The following RABGEF1 variants were observed in gnomAD, a reference collection of about 807,000 sequenced individuals.
RABGEF1 encodes the protein RAB guanine nucleotide exchange factor 1.
A neutral mutation model predicts 57.3 loss-of-function variants in RABGEF1; 26 were observed. The ratio of observed to expected loss-of-function variants is 0.45; its 90% CI spans 0.33 to 0.63. The LOEUF (loss-of-function observed/expected upper bound fraction) is 0.63. Among genes scored for constraint, RABGEF1 ranks in the 20% least tolerant of loss-of-function variants. The pLI is 0.02. For missense variants in RABGEF1, 464 were observed against 607.6 expected (o/e 0.76, Z 2.48); for synonymous variants, 185 against 210.7 (o/e 0.88, Z 1.06).
chr7:66,677,589 T>C (rs1364022981), upstream of RABGEF1, among the ~76,000 whole-genome samples: 3 of 151,736 alleles, frequency 2.0e-5, no homozygotes, highest in East Asian at 1.9e-4. Flanking sequence ...GGTGAAACCC[T>C]GTCTCTACTA....
rs1798717064 is a variant in RABGEF1 at position 66,740,754 on chromosome 7, G to A, written c.-56G>A. 1 of 152,842 alleles carries A rather than the reference G, an allele frequency of 6.5e-6. No homozygotes were observed. Among genetic ancestry groups the A allele is most frequent in the Non-Finnish European group, 1.5e-5 (1 of 68,468 alleles). 9.5% of individuals were successfully genotyped at this position (152,842 alleles called of 1,614,324 possible). A position where few individuals can be genotyped will look rare whatever the true frequency, so the allele number is the denominator to read the frequency against. ...GCCCAGACCTACCCGGGCGAAGCGG[G>A]CGAGCGGTGGTTTGGACGCCGGCGG... is the stretch of plus-strand genomic sequence containing the variant. On this transcript the variant is annotated 5_prime_UTR_variant, in exon 1 of 9. Coordinates refer to ENST00000284957, the MANE Select transcript of RABGEF1 (RefSeq NM_014504.3).
intron 1 of RABGEF1, among the ~76,000 whole-genome samples, chr7:66,771,383 C>T (rs1807092458): frequency 6.6e-6 from 1 of 152,180 alleles, no homozygotes; most frequent in Non-Finnish European, 1.5e-5. Flanking sequence ...TTGTTATCCG[C>T]CCTCCTCAGC....
intron 1 of RABGEF1, among the ~76,000 whole-genome samples, chr7:66,760,186 T>C (rs560812025): frequency 1.2e-4 from 19 of 152,198 alleles, no homozygotes; most frequent in South Asian, 2.1e-4. Context: ...CCCCTCCTCT[T>C]CCTTGCCTTC....
chr7:66,746,780 C>T (rs929887325), intron 1 of RABGEF1, among the ~76,000 whole-genome samples: 2 of 140,206 alleles, frequency 1.4e-5, no homozygotes, highest in African/African-American at 5.1e-5. Context: ...CCTGCCACCA[C>T]GTCCGGCTAA....
chr7:66,788,754 G>T (rs540283203), intron 4 of RABGEF1, among the ~76,000 whole-genome samples: 2 of 152,094 alleles, frequency 1.3e-5, no homozygotes, highest in South Asian at 4.2e-4. Flanking sequence ...CAATGCGGGT[G>T]GATCACCTGG....
chr7:66,777,793 TA>T (rs764878927), intron 3 of RABGEF1, among the ~76,000 whole-genome samples: 2 of 152,064 alleles, frequency 1.3e-5, no homozygotes, highest in African/African-American at 4.8e-5. Flanking sequence ...ACACCAACAT[TA>T]AAAAAATTAA....
At chr7:66,690,298 A>G (rs2117114645) in intron 1 of RABGEF1, among the ~76,000 whole-genome samples, 1 of 150,920 alleles carries the variant, frequency 6.6e-6, no homozygotes, top group African/African-American at 2.4e-5. Context: ...ATGGGGTTTC[A>G]CCGTCTTGGC....
chr7:66,795,632 A>G, intron 5 of RABGEF1, 40 bp downstream of exon 5: 1 of 1,504,754 alleles, frequency 6.6e-7, no homozygotes, highest in Non-Finnish European at 9.3e-7. Context: ...GGTATTGCAC[A>G]GGGATGACTG....
the RABGEF1 span, among the ~76,000 whole-genome samples, chr7:66,673,057 C>G: frequency 7.9e-6 from 1 of 126,910 alleles, no homozygotes; most frequent in Non-Finnish European, 1.6e-5. Flanking sequence ...TGGGGAGGGG[C>G]TCTGGGTTTG....
At chr7:66,783,497 A>G (rs1229393087) in intron 3 of RABGEF1, among the ~76,000 whole-genome samples, 178 bp from the exon 4 acceptor site, 1 of 152,214 alleles carries the variant, frequency 6.6e-6, no homozygotes, top group African/African-American at 2.4e-5. Context: ...TCCTACTTGT[A>G]AAACAGATTT....
chr7:66,675,732 A>G, the RABGEF1 span, among the ~76,000 whole-genome samples: 2 of 152,216 alleles, frequency 1.3e-5, no homozygotes, highest in African/African-American at 4.8e-5. Context: ...CAGCAATGTA[A>G]TAGGATGCAA....
intron 1 of RABGEF1, among the ~76,000 whole-genome samples, chr7:66,769,752 A>G (rs1027306903): frequency 6.6e-6 from 1 of 152,144 alleles, no homozygotes; most frequent in African/African-American, 2.4e-5. Flanking sequence ...CCTTTTCAGG[A>G]GCTTTCAGTG....
At position 66,811,172 on chromosome 7, in the gene RABGEF1, T is replaced by A. The variant is rs1024865724; in HGVS notation, c.*1888T>A. On this transcript the variant is annotated 3_prime_UTR_variant, in exon 9 of 9. Transcript: ENST00000284957. ...TGTACACTCTGTTTGTTCAATAAAC[T>A]GCATATCAACTTCCCACAAAAGCTG... 3.7e-4 allele frequency: 57 copies of A among 152,328 alleles called. No individual in the cohort carries two copies. The highest frequency in any genetic ancestry group is 1.3e-3 in the African/African-American group (55 of 41,584). The allele number at this position is 152,328 out of a possible 1,614,324, so 9.4% of individuals were successfully genotyped here.
chr7:66,807,401 C>A (rs1229468229), intron 8 of RABGEF1, among the ~76,000 whole-genome samples: 1 of 152,200 alleles, frequency 6.6e-6, no homozygotes, highest in Non-Finnish European at 1.5e-5. Context: ...TCCTTGGCTT[C>A]CACAATTCCA....
intron 1 of RABGEF1, among the ~76,000 whole-genome samples, chr7:66,703,074 C>T (rs79202995): frequency 0.037 from 5,565 of 152,190 alleles, 156 homozygotes; most frequent in East Asian, 0.085. Context: ...CCTGGGTTCA[C>T]TCCATTCTCC....
chr7:66,777,834 GT>G (rs1808911368), intron 3 of RABGEF1, among the ~76,000 whole-genome samples: 2 of 152,072 alleles, frequency 1.3e-5, no homozygotes, highest in African/African-American at 4.8e-5. Flanking sequence ...GGTGAATTTT[GT>G]TTTAAAAATA....
At chr7:66,776,880 A>G (rs958884252) in intron 3 of RABGEF1, among the ~76,000 whole-genome samples, 16 of 152,220 alleles carry the variant, frequency 1.1e-4, no homozygotes, top group African/African-American at 3.9e-4. Context: ...GCCAGGTAGT[A>G]AGGTGACTTT....
At chr7:66,797,976 G>A (rs1481821553) in intron 6 of RABGEF1, among the ~76,000 whole-genome samples, 1 of 152,138 alleles carries the variant, frequency 6.6e-6, no homozygotes, top group Non-Finnish European at 1.5e-5. Flanking sequence ...AATTAGCCAG[G>A]CATGGTGGCG....
chr7:66,683,925 A>T (rs1195923126), intron 1 of RABGEF1, among the ~76,000 whole-genome samples: 11 of 151,924 alleles, frequency 7.2e-5, no homozygotes, highest in Admixed American at 5.9e-4. Flanking sequence ...AGATTTTGTA[A>T]AGATGTTGTC....
Sources: allele counts gnomAD v4.1 joint callset (sites outside exome capture counted in the v4.1 genomes callset), GRCh38; gene constraint gnomAD v4.1.1; transcripts MANE v1.5; gene names NCBI Gene and HGNC (gene_info 2026-07-23, HGNC 2026-07-21).